The following CNTNAP2 variants were observed in gnomAD, a reference collection of about 807,000 sequenced individuals.
CNTNAP2 encodes the protein contactin-associated protein-like 2.
A neutral mutation model predicts 155.2 loss-of-function variants in CNTNAP2; 98 were observed. The observed-to-expected ratio is 0.63, with a 90% CI of 0.54 to 0.75. CNTNAP2 has a LOEUF of 0.75. Ranked by LOEUF, CNTNAP2 falls within the 30% of genes least tolerant of loss-of-function variation. The pLI is 0.00. For synonymous variants in CNTNAP2, 651 were observed against 631.2 expected, an observed-to-expected ratio of 1.03 and a Z score of -0.47; for missense variants, 1,727 against 1,688.1, an observed-to-expected ratio of 1.02 and a Z score of -0.40.
chr7:147,951,190 A>G (rs569513593), intron 14 of CNTNAP2, among the ~76,000 whole-genome samples: 78 of 152,348 alleles, frequency 5.1e-4, no homozygotes, highest in Non-Finnish European at 8.8e-4. Flanking sequence ...GGGAGCCTGG[A>G]AGACGAAGAA....
intron 15 of CNTNAP2, among the ~76,000 whole-genome samples, chr7:148,025,042 G>C (rs553453092): frequency 4.6e-5 from 7 of 152,280 alleles, no homozygotes; most frequent in Middle Eastern, 6.8e-3. Flanking sequence ...ACCCCTCCTT[G>C]CTTAGGGACT....
At chr7:146,926,130 C>A (rs1185415271) in intron 3 of CNTNAP2, among the ~76,000 whole-genome samples, 3 of 152,052 alleles carry the variant, frequency 2.0e-5, no homozygotes, top group Non-Finnish European at 4.4e-5. Flanking sequence ...GATTACAATT[C>A]TTTAGTTGCT....
At chr7:147,248,327 G>A (rs1004129231) in intron 8 of CNTNAP2, among the ~76,000 whole-genome samples, 4 of 152,002 alleles carry the variant, frequency 2.6e-5, no homozygotes, top group South Asian at 2.1e-4. Context: ...ACAATCTCTG[G>A]AAAGCATTTT....
intron 15 of CNTNAP2, among the ~76,000 whole-genome samples, chr7:148,029,484 C>T (rs144370141): frequency 0.012 from 1,753 of 152,232 alleles, 30 homozygotes; most frequent in African/African-American, 0.039. Context: ...TTGCATAAAA[C>T]TTTTAATGCT....
chr7:147,019,640 A>G (rs544455085), intron 3 of CNTNAP2, among the ~76,000 whole-genome samples: 3 of 152,196 alleles, frequency 2.0e-5, no homozygotes, highest in East Asian at 3.9e-4. Flanking sequence ...CCTTCTGCCT[A>G]TTGCATGTAA....
intron 1 of CNTNAP2, among the ~76,000 whole-genome samples, chr7:146,238,759 G>A (rs569488293): frequency 6.6e-6 from 1 of 152,212 alleles, no homozygotes; most frequent in Middle Eastern, 3.4e-3. Context: ...GCATGGCTGG[G>A]GAGGCCTCAG....
At chr7:147,010,184 A>AT (rs1798599643) in intron 3 of CNTNAP2, among the ~76,000 whole-genome samples, 2 of 151,598 alleles carry the variant, frequency 1.3e-5, no homozygotes, top group African/African-American at 4.8e-5. Context: ...TGATTTTTGT[A>AT]TTTTTAATAG....
intron 14 of CNTNAP2, among the ~76,000 whole-genome samples, chr7:147,926,942 G>A (rs1461661165): frequency 2.0e-5 from 3 of 152,096 alleles, no homozygotes; most frequent in Non-Finnish European, 2.9e-5. Flanking sequence ...TAATTGCATA[G>A]TTAGTTACAA....
intron 21 of CNTNAP2, among the ~76,000 whole-genome samples, chr7:148,373,162 A>ATT (rs201212019): frequency 2.0e-5 from 3 of 152,152 alleles, no homozygotes; most frequent in African/African-American, 7.2e-5. Context: ...AAAATAAAAA[A>ATT]TAAAAAAAAA....
At chr7:148,265,950 G>A (rs908485055) in intron 20 of CNTNAP2, among the ~76,000 whole-genome samples, 2 of 152,182 alleles carry the variant, frequency 1.3e-5, no homozygotes, top group Non-Finnish European at 2.9e-5. Flanking sequence ...CAAGAGCACA[G>A]CTAGCTTCCA....
intron 10 of CNTNAP2, among the ~76,000 whole-genome samples, chr7:147,411,978 A>C (rs1406702912): frequency 6.6e-6 from 1 of 152,222 alleles, no homozygotes; most frequent in African/African-American, 2.4e-5. Context: ...CATATATTTT[A>C]TATTTTTCCT....
chr7:146,702,497 G>A (rs1800894600), intron 1 of CNTNAP2, among the ~76,000 whole-genome samples: 1 of 152,108 alleles, frequency 6.6e-6, no homozygotes, highest in Non-Finnish European at 1.5e-5. Context: ...TTGTGATGGT[G>A]GAAATGGTCT....
At chr7:148,247,816 G>A (rs989986960) in intron 20 of CNTNAP2, among the ~76,000 whole-genome samples, 2 of 151,584 alleles carry the variant, frequency 1.3e-5, no homozygotes, top group African/African-American at 4.9e-5. Flanking sequence ...ACCACGCCTG[G>A]CTAATTTTTG....
At chr7:147,277,718 C>G (rs1174654011) in intron 8 of CNTNAP2, among the ~76,000 whole-genome samples, 1 of 151,658 alleles carries the variant, frequency 6.6e-6, no homozygotes, top group East Asian at 1.9e-4. Flanking sequence ...CCCAAGAAAT[C>G]TGTTATTATG....
chr7:148,349,644 G>A (rs1456129896), intron 21 of CNTNAP2, among the ~76,000 whole-genome samples: 1 of 151,956 alleles, frequency 6.6e-6, no homozygotes, highest in Non-Finnish European at 1.5e-5. Flanking sequence ...CTCGTGATCC[G>A]CCCGTCTCAG....
At chr7:147,839,955 C>T (rs374422768) in intron 13 of CNTNAP2, among the ~76,000 whole-genome samples, 2 of 150,780 alleles carry the variant, frequency 1.3e-5, no homozygotes, top group African/African-American at 2.4e-5. Flanking sequence ...CACACACACA[C>T]ATATATATAC....
chr7:148,177,914 A>C (rs754066351), intron 18 of CNTNAP2, among the ~76,000 whole-genome samples: 1 of 147,520 alleles, frequency 6.8e-6, no homozygotes, highest in Non-Finnish European at 1.5e-5. Context: ...TTTTTGCTAC[A>C]TCTAGGTGTA....
intron 1 of CNTNAP2, among the ~76,000 whole-genome samples, chr7:146,290,668 G>A (rs915194980): frequency 2.0e-4 from 31 of 152,138 alleles, no homozygotes; most frequent in African/African-American, 7.5e-4. Context: ...GTGTATTTGG[G>A]AATCAGAAAA....
At chr7:147,060,824 A>G (rs988805463) in intron 4 of CNTNAP2, among the ~76,000 whole-genome samples, 3 of 151,696 alleles carry the variant, frequency 2.0e-5, no homozygotes, top group Admixed American at 6.6e-5. Context: ...AGACCGCGCC[A>G]CTGCACTCCA....
Sources: allele counts gnomAD v4.1 joint callset (sites outside exome capture counted in the v4.1 genomes callset), GRCh38; gene constraint gnomAD v4.1.1; transcripts MANE v1.5; gene names NCBI Gene and HGNC (gene_info 2026-07-23, HGNC 2026-07-21).